Variants in EVA1C observed in about 807,000 individuals in gnomAD.
EVA1C encodes protein eva-1 homolog C.
Under a neutral mutation model 45.4 loss-of-function variants are expected in EVA1C, and 25 were observed. The ratio of observed to expected loss-of-function variants is 0.55; its 90% confidence interval spans 0.40 to 0.77. The LOEUF (loss-of-function observed/expected upper bound fraction) is 0.77. Among genes scored for constraint, EVA1C ranks in the 30% least tolerant of loss-of-function variants. EVA1C has a pLI of 0.00. For missense variants in EVA1C, 479 were observed against 554.8 expected (o/e 0.86, Z 1.37); for synonymous variants, 190 against 221.2 (o/e 0.86, Z 1.25).
chr21:32,515,308 C>A lies in EVA1C; in HGVS notation c.*118C>A, dbSNP rs2038103044. ...GGAGAATTCGTCATGTCATTCAACA[C>A]TCGTGAGGCCAGGAAGCTATTAAAG... On this transcript the variant is annotated 3_prime_UTR_variant, in exon 8 of 8. Coordinates refer to ENST00000300255, the MANE Select transcript of EVA1C (RefSeq NM_058187.5). 5 of 1,125,868 alleles carry A rather than the reference C, an allele frequency of 4.4e-6. No homozygotes were observed. In the East Asian group the frequency reaches 7.2e-5, roughly 16 times the overall value. 69.7% of individuals were successfully genotyped at this position (1,125,868 alleles called of 1,614,324 possible).
chr21:32,459,838 CAAAAA>C (rs35572319), intron 3 of EVA1C, among the ~76,000 whole-genome samples: 1 of 63,184 alleles, frequency 1.6e-5, no homozygotes, highest in African/African-American at 5.5e-5. Context: ...GAGACTGTCT[CAAAAA>C]AAAAAAAAAA....
At chr21:32,421,619 G>C (rs1164296899) in intron 1 of EVA1C, among the ~76,000 whole-genome samples, 1 of 152,174 alleles carries the variant, frequency 6.6e-6, no homozygotes, top group Non-Finnish European at 1.5e-5. Flanking sequence ...CTGCCTTCAT[G>C]GGAATATCAT....
chr21:32,507,941 ATG>A (rs1424127725), intron 7 of EVA1C, among the ~76,000 whole-genome samples: 4 of 148,046 alleles, frequency 2.7e-5, no homozygotes, highest in South Asian at 4.3e-4. Flanking sequence ...GTGTATCTGT[ATG>A]TGTGTTTGTG....
chr21:32,455,413 AC>A (rs1461367216), intron 2 of EVA1C, among the ~76,000 whole-genome samples: 4 of 152,212 alleles, frequency 2.6e-5, no homozygotes, highest in African/African-American at 9.6e-5. Context: ...TAACACTGTT[AC>A]TGTTAAAGCA....
intron 1 of EVA1C, among the ~76,000 whole-genome samples, chr21:32,427,407 T>C (rs939986640): frequency 1.3e-5 from 2 of 152,150 alleles, no homozygotes; most frequent in Non-Finnish European, 2.9e-5. Flanking sequence ...TACCGCTGGG[T>C]ATAGACAGTG....
At chr21:32,511,438 A>AAAAAAAAAAAAAAAAAAG (rs772421375) in intron 7 of EVA1C, among the ~76,000 whole-genome samples, 2 of 148,688 alleles carry the variant, frequency 1.3e-5, no homozygotes, top group Non-Finnish European at 3.0e-5. Flanking sequence ...AAAAAAAAAA[A>AAAAAAAAAAAAAAAAAAG]AAAGAAAGAA....
intron 1 of EVA1C, among the ~76,000 whole-genome samples, chr21:32,447,704 T>C (rs1336620947): frequency 1.3e-5 from 2 of 152,084 alleles, no homozygotes; most frequent in Admixed American, 6.5e-5. Context: ...ACTTTTCTTT[T>C]TTCTTTTTTC....
intron 7 of EVA1C, among the ~76,000 whole-genome samples, chr21:32,508,983 C>T (rs1043427067): frequency 3.3e-5 from 5 of 152,236 alleles, no homozygotes; most frequent in African/African-American, 1.2e-4. Flanking sequence ...TGTTCAATCA[C>T]AAGGAAAACT....
intron 1 of EVA1C, among the ~76,000 whole-genome samples, chr21:32,429,176 G>C (rs1382983162): frequency 6.6e-6 from 1 of 151,078 alleles, no homozygotes; most frequent in Non-Finnish European, 1.5e-5. Flanking sequence ...AAGTAGCTGG[G>C]ATTTCAGGCA....
intron 1 of EVA1C, 73 bp downstream of exon 1, chr21:32,413,086 C>G: frequency 8.2e-7 from 1 of 1,223,442 alleles, no homozygotes; most frequent in Non-Finnish European, 1.1e-6. Context: ...CTGGGGGCAG[C>G]CGCACCAGTG....
intron 1 of EVA1C, among the ~76,000 whole-genome samples, chr21:32,420,679 C>G (rs1460680643): frequency 3.9e-5 from 6 of 152,190 alleles, no homozygotes; most frequent in Admixed American, 1.3e-4. Flanking sequence ...CAGGAGTGAG[C>G]CACTGTGCCT....
intron 1 of EVA1C, chr21:32,453,095 C>T: frequency 2.0e-6 from 1 of 491,984 alleles, no homozygotes; most frequent in Non-Finnish European, 3.7e-6. Context: ...CTCCCCTGCC[C>T]CCCTTCCATG....
chr21:32,507,902 T>C (rs2037817441), intron 7 of EVA1C, among the ~76,000 whole-genome samples: 1 of 123,176 alleles, frequency 8.1e-6, no homozygotes, highest in Non-Finnish European at 1.6e-5. Context: ...TGCATGTGTG[T>C]ATCTGTGTGT....
intron 1 of EVA1C, 26 bp downstream of exon 1, chr21:32,413,039 G>GC: frequency 7.3e-7 from 1 of 1,364,916 alleles, no homozygotes; most frequent in Middle Eastern, 1.9e-4. Flanking sequence ...CTGGCTGTGT[G>GC]CCCCCGGCAC....
intron 4 of EVA1C, chr21:32,473,783 G>A (rs2036463962): frequency 3.8e-6 from 1 of 260,528 alleles, no homozygotes; most frequent in Admixed American, 6.5e-5. Context: ...CTTCATGTAT[G>A]GTCTATCTGA....
chr21:32,502,947 C>T (rs1418432368), intron 6 of EVA1C, among the ~76,000 whole-genome samples: 1 of 152,138 alleles, frequency 6.6e-6, no homozygotes, highest in Non-Finnish European at 1.5e-5. Context: ...ATTTTTCTAA[C>T]AGGGTTCCCA....
intron 7 of EVA1C, among the ~76,000 whole-genome samples, chr21:32,510,774 C>A (rs2037920230): frequency 6.6e-6 from 1 of 152,216 alleles, no homozygotes. Flanking sequence ...ATGGCTCACA[C>A]CTGTAATCCC....
intron 1 of EVA1C, among the ~76,000 whole-genome samples, chr21:32,416,100 G>A (rs926934214): frequency 2.7e-5 from 4 of 145,808 alleles, no homozygotes; most frequent in African/African-American, 7.7e-5. Context: ...GCCCTCTTGA[G>A]TAGCAGCCAT....
chr21:32,422,057 A>AAAAC (rs1568859732), intron 1 of EVA1C, among the ~76,000 whole-genome samples: 3 of 151,580 alleles, frequency 2.0e-5, no homozygotes, highest in African/African-American at 7.3e-5. Context: ...AAAAAAAAAA[A>AAAAC]AAAAAAGAGG....
Sources: allele counts gnomAD v4.1 joint callset (sites outside exome capture counted in the v4.1 genomes callset), GRCh38; gene constraint gnomAD v4.1.1; transcripts MANE v1.5; gene names NCBI Gene and HGNC (gene_info 2026-07-23, HGNC 2026-07-21).